Variants in HIVEP3 observed in about 807,000 individuals in gnomAD.
HIVEP3 encodes transcription factor HIVEP3.
HIVEP3 carries 49 observed loss-of-function variants against 152.8 expected under a neutral mutation model. The observed-to-expected ratio is 0.32, with a 90% confidence interval of 0.26 to 0.41. The LOEUF (loss-of-function observed/expected upper bound fraction) is 0.41. Ranked by LOEUF, HIVEP3 falls within the 10% of genes least tolerant of loss-of-function variation. HIVEP3 has a pLI of 1.00. For missense variants in HIVEP3, 2,790 were observed against 3,103.3 expected (o/e 0.90, Z 2.40); for synonymous variants, 1,269 against 1,289.0 (o/e 0.98, Z 0.33).
intron 1 of HIVEP3, among the ~76,000 whole-genome samples, chr1:41,943,461 C>A (rs1359301660): frequency 6.6e-6 from 1 of 152,078 alleles, no homozygotes; most frequent in East Asian, 1.9e-4. Context: ...CAGTGGCTTC[C>A]CACTACCTAC....
At chr1:41,802,340 C>CGAGTA (rs1558282213) in intron 1 of HIVEP3, among the ~76,000 whole-genome samples, 1 of 151,936 alleles carries the variant, frequency 6.6e-6, no homozygotes, top group African/African-American at 2.4e-5. Context: ...CTCAGCCTCC[C>CGAGTA]GAGTAGTTGG....
At chr1:41,568,447 G>GC (rs1354364975) in intron 5 of HIVEP3, among the ~76,000 whole-genome samples, 3 of 152,268 alleles carry the variant, frequency 2.0e-5, no homozygotes, top group African/African-American at 7.2e-5. Flanking sequence ...TCAGGGAGGA[G>GC]CTGGAGCCGG....
intron 1 of HIVEP3, among the ~76,000 whole-genome samples, chr1:41,740,372 C>T (rs1026787138): frequency 5.9e-5 from 9 of 152,244 alleles, no homozygotes; most frequent in Admixed American, 1.3e-4. Context: ...GCTTCTCTGC[C>T]GCTCTTCTAT....
chr1:41,977,173 G>T (rs536781842), intron 1 of HIVEP3, among the ~76,000 whole-genome samples: 7 of 152,264 alleles, frequency 4.6e-5, no homozygotes, highest in Middle Eastern at 6.8e-3. Flanking sequence ...GTGGACTAAG[G>T]TGGAGAGAGG....
chr1:41,579,772 C>A lies in HIVEP3; in HGVS notation c.5026G>T (p.Val1676Leu). ...CGGGGCTTGCGGGAGCTGGATGGCA[C>A]AAGCCTTCCTGCCTCAGGATGCGGA... ...TAPHPEAGRL[V>L]PSSSRKPRMT... The change falls in exon 4 of 9, where the codon GTG (valine) becomes TTG (leucine). Residue 1676 changes from valine (V) to leucine (L), a missense_variant. Transcript: ENST00000372583. 7.5e-6 allele frequency: 12 copies of A among 1,599,122 alleles called. No individual in the cohort carries two copies. Among genetic ancestry groups the A allele is most frequent in the Non-Finnish European group, 1.0e-5 (12 of 1,169,010 alleles).
chr1:41,877,844 A>C (rs1186762028), intron 1 of HIVEP3, among the ~76,000 whole-genome samples: 3 of 152,146 alleles, frequency 2.0e-5, no homozygotes, highest in Admixed American at 2.0e-4. Context: ...CTGACTACAG[A>C]CTCAACAAAT....
intron 1 of HIVEP3, among the ~76,000 whole-genome samples, chr1:42,024,920 G>A (rs754175290): frequency 6.6e-6 from 1 of 152,248 alleles, no homozygotes; most frequent in Non-Finnish European, 1.5e-5. Context: ...TTATTCTACT[G>A]TCTTCTAGAT....
chr1:41,693,789 C>T (rs189600806), intron 2 of HIVEP3, among the ~76,000 whole-genome samples: 2 of 152,244 alleles, frequency 1.3e-5, no homozygotes, highest in East Asian at 3.9e-4. Flanking sequence ...TTTTAATCTC[C>T]TTGGAATTTA....
intron 1 of HIVEP3, among the ~76,000 whole-genome samples, chr1:41,827,051 C>A (rs1642824400): frequency 6.6e-6 from 1 of 152,214 alleles, no homozygotes; most frequent in African/African-American, 2.4e-5. Flanking sequence ...GAGCTCTTTG[C>A]TGCCTCTATG....
chr1:41,669,591 T>C (rs1645844412), intron 2 of HIVEP3, among the ~76,000 whole-genome samples: 1 of 152,184 alleles, frequency 6.6e-6, no homozygotes, highest in African/African-American at 2.4e-5. Context: ...AAACTCCTCC[T>C]GCCTGACTGC....
chr1:41,544,835 C>T (rs1445793405), intron 5 of HIVEP3, among the ~76,000 whole-genome samples: 30 of 121,328 alleles, frequency 2.5e-4, no homozygotes, highest in African/African-American at 9.9e-4. Flanking sequence ...CCACCATCAC[C>T]ACCACCACTA....
rs777916786 is a variant in HIVEP3 at position 41,556,208 on chromosome 1, G to A, written c.5207+19336C>T. Among the ~76,000 whole-genome samples, 26 of 152,170 alleles carry A rather than the reference G, an allele frequency of 1.7e-4. 1 individual carries two copies. The highest frequency in any genetic ancestry group is 4.8e-4 in the African/African-American group (20 of 41,444). On this transcript the variant is annotated intron_variant, in intron 5 of 8. Coordinates refer to ENST00000372583, the MANE Select transcript of HIVEP3 (RefSeq NM_024503.5). Reference sequence around the variant, plus strand: ...GTGATTTTTGAAGAACTACCATACCGTTTTTCACAGCGGCTGCACCATTTC... The same window carrying A: ...GTGATTTTTGAAGAACTACCATACCATTTTTCACAGCGGCTGCACCATTTC...
intron 1 of HIVEP3, among the ~76,000 whole-genome samples, chr1:41,937,457 C>T (rs1645025376): frequency 6.6e-6 from 1 of 152,114 alleles, no homozygotes; most frequent in Non-Finnish European, 1.5e-5. Flanking sequence ...GATCGAAGGC[C>T]TTGACCTGCA....
intron 1 of HIVEP3, among the ~76,000 whole-genome samples, chr1:41,889,452 G>A (rs544978279): frequency 3.0e-4 from 46 of 152,152 alleles, no homozygotes; most frequent in African/African-American, 6.0e-4. Flanking sequence ...CCAGACCTAC[G>A]CAGAGTCTGA....
rs1215474009 is a variant in HIVEP3 at position 41,509,690 on chromosome 1, G to C, written c.*761C>G. 3 of 152,036 alleles carry C rather than the reference G, an allele frequency of 2.0e-5. No homozygotes were observed. Among genetic ancestry groups the C allele is most frequent in the African/African-American group, 7.3e-5 (3 of 41,358 alleles). The allele number at this position is 152,036 out of a possible 1,614,324, so 9.4% of individuals were successfully genotyped here. On this transcript the variant is annotated 3_prime_UTR_variant, in exon 9 of 9. Coordinates refer to ENST00000372583, the MANE Select transcript of HIVEP3 (RefSeq NM_024503.5). ...GGGTGGGGTGGCCTGCCCACCTGTGGAGTGCCAGGATGGGCCCATGACTCA... is the reference window on the plus strand; with the variant it reads ...GGGTGGGGTGGCCTGCCCACCTGTGCAGTGCCAGGATGGGCCCATGACTCA...
At chr1:41,736,122 A>C (rs1217268177) in intron 1 of HIVEP3, among the ~76,000 whole-genome samples, 1 of 152,190 alleles carries the variant, frequency 6.6e-6, no homozygotes, top group African/African-American at 2.4e-5. Context: ...GGTTATCACA[A>C]CAGCCCTTCA....
In HIVEP3 at chr1:41,662,563, G is replaced by A. The variant is rs1645733333; in HGVS notation, c.-720-33616C>T. On this transcript the variant is annotated intron_variant, in intron 2 of 8. Transcript: ENST00000372583. The surrounding 1 kb of genome is among the most constrained non-coding windows in gnomAD (Gnocchi z 7.2). ...ACCCCGGGATGCCTTCGCGGCCGGG[G>A]TCGCAGATGGGCCCGGGCGCGGCTG... Among the ~76,000 whole-genome samples the A allele has an allele frequency of 6.6e-6, 1 of 151,054 alleles. No homozygotes were observed. The highest frequency in any genetic ancestry group is 6.6e-5 in the Admixed American group (1 of 15,196).
chr1:41,681,089 G>GGTGTGTGT (rs35572259), intron 2 of HIVEP3, among the ~76,000 whole-genome samples: 131 of 148,344 alleles, frequency 8.8e-4, no homozygotes, highest in African/African-American at 2.9e-3. Flanking sequence ...GCTAAGAACT[G>GGTGTGTGT]GTGTGTGTGT....
intron 1 of HIVEP3, among the ~76,000 whole-genome samples, chr1:41,745,892 A>C (rs559837503): frequency 6.6e-6 from 1 of 152,226 alleles, no homozygotes; most frequent in Admixed American, 6.5e-5. Flanking sequence ...CTGTCAGTGA[A>C]TCCTAGCAGA....
Sources: allele counts gnomAD v4.1 joint callset (sites outside exome capture counted in the v4.1 genomes callset), GRCh38; gene constraint gnomAD v4.1.1; non-coding constraint Gnocchi (gnomAD v3.1); transcripts MANE v1.5; gene names NCBI Gene and HGNC (gene_info 2026-07-23, HGNC 2026-07-21).